Variants in SPOCK1 observed in about 807,000 individuals in gnomAD.
The protein encoded by SPOCK1 is testican-1.
In SPOCK1, 23 loss-of-function variants were observed where a neutral mutation model predicts 55.3. The ratio of observed to expected loss-of-function variants is 0.42; its 90% CI spans 0.30 to 0.59. The LOEUF (loss-of-function observed/expected upper bound fraction) is 0.59. Among genes scored for constraint, SPOCK1 ranks in the 20% least tolerant of loss-of-function variants. The pLI is 0.22. For missense variants in SPOCK1, 499 were observed against 552.5 expected, an observed-to-expected ratio of 0.90 and a Z score of 0.97; for synonymous variants, 226 against 221.0, an observed-to-expected ratio of 1.02 and a Z score of -0.20.
chr5:137,382,046 T>A (rs907089530), intron 2 of SPOCK1, among the ~76,000 whole-genome samples: 1 of 152,242 alleles, frequency 6.6e-6, no homozygotes, highest in Non-Finnish European at 1.5e-5. Flanking sequence ...CCAGGTCACA[T>A]CTTGAATGCT....
chr5:137,474,857 CA>C (rs1465636559), intron 2 of SPOCK1, among the ~76,000 whole-genome samples: 2 of 151,830 alleles, frequency 1.3e-5, no homozygotes, highest in Admixed American at 1.3e-4. Flanking sequence ...AAAATACTAG[CA>C]AAAAAATATG....
chr5:137,483,146 A>G lies in SPOCK1; in HGVS notation c.186+15227T>C, dbSNP rs953467024. On this transcript the variant is annotated intron_variant, in intron 2 of 10. Transcript: ENST00000394945. ...TCAGGAGTTTGACACCAGCCTGGCT[A>G]ACATGGTGAAACTCTGTCTCCACTA... is the stretch of plus-strand genomic sequence containing the variant. Among the ~76,000 whole-genome samples the G allele has an allele frequency of 3.9e-5, 6 of 152,300 alleles. No homozygotes were observed. In the East Asian group the frequency reaches 1.2e-3, roughly 29 times the overall value.
chr5:137,249,829 T>C (rs932876647), intron 3 of SPOCK1, among the ~76,000 whole-genome samples: 2 of 152,140 alleles, frequency 1.3e-5, no homozygotes, highest in African/African-American at 4.8e-5. Context: ...ATCTTCAAGA[T>C]AAAGGCAAGT....
intron 2 of SPOCK1, among the ~76,000 whole-genome samples, chr5:137,277,667 T>G (rs531620381): frequency 2.6e-5 from 4 of 152,298 alleles, no homozygotes; most frequent in African/African-American, 9.6e-5. Flanking sequence ...CTTTCCTATC[T>G]GTGAAATAGG....
intron 6 of SPOCK1, among the ~76,000 whole-genome samples, chr5:137,028,937 T>A (rs1399110804): frequency 6.6e-6 from 1 of 152,168 alleles, no homozygotes; most frequent in South Asian, 2.1e-4. Context: ...AGTCCATGGA[T>A]GGTCATGTGA....
intron 5 of SPOCK1, 28 bp downstream of exon 5, chr5:137,112,407 G>A: frequency 4.4e-6 from 7 of 1,605,566 alleles, no homozygotes; most frequent in Non-Finnish European, 5.9e-6. Context: ...AAGTATTTTT[G>A]ATAACATAAA....
chr5:137,250,352 T>C (rs1221490928), intron 3 of SPOCK1, among the ~76,000 whole-genome samples: 1 of 152,226 alleles, frequency 6.6e-6, no homozygotes, highest in Non-Finnish European at 1.5e-5. Context: ...TTTCCTTTCC[T>C]GTAAGATAGG....
At chr5:137,153,517 G>A (rs1346895042) in intron 3 of SPOCK1, among the ~76,000 whole-genome samples, 1 of 152,140 alleles carries the variant, frequency 6.6e-6, no homozygotes, top group Non-Finnish European at 1.5e-5. Context: ...TAGCTCTTAA[G>A]GAACTCATGA....
intron 3 of SPOCK1, among the ~76,000 whole-genome samples, chr5:137,233,748 T>A (rs1400074314): frequency 7.1e-6 from 1 of 141,178 alleles, no homozygotes; most frequent in Non-Finnish European, 1.5e-5. Context: ...TGGTTATTGA[T>A]CTTGTATCCT....
At chr5:137,201,726 C>A (rs1348957034) in intron 3 of SPOCK1, among the ~76,000 whole-genome samples, 1 of 152,144 alleles carries the variant, frequency 6.6e-6, no homozygotes, top group East Asian at 1.9e-4. Flanking sequence ...TAATGCTGCA[C>A]CACACTGAGA....
chr5:137,418,102 G>A lies in SPOCK1; in HGVS notation c.186+80271C>T, dbSNP rs187349135. 2.2e-3 allele frequency among the ~76,000 whole-genome samples: 333 copies of A among 152,216 alleles called. 1 individual carries two copies. The highest frequency in any genetic ancestry group is 7.8e-3 in the African/African-American group (323 of 41,524). Reference sequence around the variant, plus strand: ...AGTTAGCTGAGAATGACGGCTTCCAGCTTCATCCATGTCCCTACAAAGGAC... The same window carrying A: ...AGTTAGCTGAGAATGACGGCTTCCAACTTCATCCATGTCCCTACAAAGGAC... On this transcript the variant is annotated intron_variant, in intron 2 of 10. Transcript: ENST00000394945.
intron 2 of SPOCK1, among the ~76,000 whole-genome samples, chr5:137,489,783 C>T (rs1057329937): frequency 6.6e-6 from 1 of 152,254 alleles, no homozygotes; most frequent in African/African-American, 2.4e-5. Flanking sequence ...GGAAACACAT[C>T]AAGGTCTTTC....
intron 2 of SPOCK1, among the ~76,000 whole-genome samples, chr5:137,346,885 G>T (rs1177847486): frequency 6.6e-6 from 1 of 152,188 alleles, no homozygotes; most frequent in Non-Finnish European, 1.5e-5. Flanking sequence ...CATGGTGTAT[G>T]CCTAGTGGGG....
At chr5:137,092,918 G>A (rs1753076685) in intron 5 of SPOCK1, among the ~76,000 whole-genome samples, 1 of 152,190 alleles carries the variant, frequency 6.6e-6, no homozygotes, top group African/African-American at 2.4e-5. Context: ...TTTTGCCGGT[G>A]GGGGCTCTGT....
chr5:137,042,451 T>C (rs1752017933), intron 6 of SPOCK1, among the ~76,000 whole-genome samples: 1 of 152,150 alleles, frequency 6.6e-6, no homozygotes, highest in Non-Finnish European at 1.5e-5. Flanking sequence ...CCTTAATGTA[T>C]GCAAATTTTT....
At chr5:137,456,423 A>C (rs2149836174) in intron 2 of SPOCK1, among the ~76,000 whole-genome samples, 1 of 152,322 alleles carries the variant, frequency 6.6e-6, no homozygotes, top group Middle Eastern at 3.4e-3. Context: ...TGGCAAACTG[A>C]GAAGAAATGT....
intron 6 of SPOCK1, among the ~76,000 whole-genome samples, chr5:137,003,452 G>T (rs1751185182): frequency 6.6e-6 from 1 of 152,132 alleles, no homozygotes; most frequent in Non-Finnish European, 1.5e-5. Flanking sequence ...CTGCATATCT[G>T]TTTAATCTAT....
chr5:137,111,543 G>A (rs17522016), intron 5 of SPOCK1, among the ~76,000 whole-genome samples: 27,239 of 152,036 alleles, frequency 0.18, 2,632 homozygotes, highest in Non-Finnish European at 0.21. Flanking sequence ...GATGGTTGTC[G>A]GATATGAAAA....
chr5:137,076,893 C>G (rs530669415), intron 5 of SPOCK1, among the ~76,000 whole-genome samples: 14 of 152,204 alleles, frequency 9.2e-5, no homozygotes, highest in African/African-American at 3.4e-4. Context: ...CAAATAACTG[C>G]CTCGGGGACA....
Sources: allele counts gnomAD v4.1 joint callset (sites outside exome capture counted in the v4.1 genomes callset), GRCh38; gene constraint gnomAD v4.1.1; transcripts MANE v1.5; gene names NCBI Gene and HGNC (gene_info 2026-07-23, HGNC 2026-07-21).